PTGFR: variants seen among roughly 807,000 people sequenced by gnomAD.
PTGFR encodes the protein prostaglandin F2-alpha receptor.
In PTGFR, 15 loss-of-function variants were observed where a neutral mutation model predicts 26.2. The observed-to-expected ratio is 0.57, with a 90% CI of 0.38 to 0.88. PTGFR has a LOEUF of 0.88. Among genes scored for constraint, PTGFR ranks in the 40% least tolerant of loss-of-function variants. The pLI, the probability that PTGFR is intolerant of heterozygous loss-of-function variation, is 0.00. For missense variants in PTGFR, 369 were observed against 427.2 expected (o/e 0.86, Z 1.20); for synonymous variants, 165 against 151.1 (o/e 1.09, Z -0.68).
chr1:78,493,876 A>G (rs1649477991), intron 2 of PTGFR, among the ~76,000 whole-genome samples: 1 of 146,442 alleles, frequency 6.8e-6, no homozygotes, highest in Admixed American at 6.7e-5. Flanking sequence ...ACAACATTTG[A>G]ACAGATTGCA....
At chr1:78,517,382 G>C (rs1650113627) in intron 2 of PTGFR, among the ~76,000 whole-genome samples, 1 of 152,106 alleles carries the variant, frequency 6.6e-6, no homozygotes, top group East Asian at 1.9e-4. Context: ...GTTTGGAAAG[G>C]GGTAGATAAT....
In PTGFR at chr1:78,492,675, T is replaced by C; in HGVS notation, c.-69T>C. On this transcript the variant is annotated 5_prime_UTR_variant, in exon 2 of 3. Coordinates refer to ENST00000370757, the MANE Select transcript of PTGFR (RefSeq NM_000959.4). ...TTCCTCTCCCTTTATCCTACAGATG[T>C]CTGGACTGCAATCCTGCACAGTTTT... 1.4e-6 allele frequency: 2 copies of C among 1,417,260 alleles called. No individual in the cohort carries two copies. The highest frequency in any genetic ancestry group is 1.9e-6 in the Non-Finnish European group (2 of 1,036,628). The allele number at this position is 1,417,260 out of a possible 1,614,324, so 87.8% of individuals were successfully genotyped here. A position where few individuals can be genotyped will look rare whatever the true frequency, so the allele number is the denominator to read the frequency against.
Position 78,536,765 on chromosome 1 carries a change from C to T in PTGFR, c.*78C>T, listed in dbSNP as rs1430649291. On this transcript the variant is annotated 3_prime_UTR_variant, in exon 3 of 3. Coordinates refer to ENST00000370757, the MANE Select transcript of PTGFR (RefSeq NM_000959.4). ...GGCAATATTTCAGTTAGTTAAATACCTGTAGCCTAACTGGAAAATTCAGGC... is the reference window on the plus strand; with the variant it reads ...GGCAATATTTCAGTTAGTTAAATACTTGTAGCCTAACTGGAAAATTCAGGC... 7.0e-7 allele frequency: 1 copy of T among 1,423,040 alleles called. No homozygotes were observed. The highest frequency in any genetic ancestry group is 9.4e-7 in the Non-Finnish European group (1 of 1,067,586). The allele number at this position is 1,423,040 out of a possible 1,614,324, so 88.2% of individuals were successfully genotyped here. A position where few individuals can be genotyped will look rare whatever the true frequency, so the allele number is the denominator to read the frequency against.
chr1:78,496,054 T>C (rs1247194138), intron 2 of PTGFR, among the ~76,000 whole-genome samples: 3 of 152,198 alleles, frequency 2.0e-5, no homozygotes, highest in African/African-American at 7.2e-5. Context: ...GTTTTAAGCA[T>C]TCTTTGCATT....
intron 2 of PTGFR, among the ~76,000 whole-genome samples, chr1:78,522,688 G>A (rs1650275478): frequency 6.6e-6 from 1 of 152,042 alleles, no homozygotes; most frequent in Admixed American, 6.6e-5. Flanking sequence ...AGAGGGATGA[G>A]GAAAGGGCTT....
chr1:78,521,305 A>G (rs577809083), intron 2 of PTGFR, among the ~76,000 whole-genome samples: 36 of 152,280 alleles, frequency 2.4e-4, no homozygotes, highest in Middle Eastern at 3.4e-3. Context: ...AGAGAAATAT[A>G]ATAATCACTT....
intron 2 of PTGFR, among the ~76,000 whole-genome samples, chr1:78,508,310 T>C (rs543540958): frequency 1.3e-5 from 2 of 152,240 alleles, no homozygotes; most frequent in Non-Finnish European, 2.9e-5. Context: ...TCTGTTTTTA[T>C]TGCATTCTTT....
intron 2 of PTGFR, among the ~76,000 whole-genome samples, chr1:78,496,652 A>G (rs1473972627): frequency 6.6e-6 from 1 of 152,204 alleles, no homozygotes; most frequent in Non-Finnish European, 1.5e-5. Flanking sequence ...AAAACTTGTC[A>G]ATAGTGGCAT....
At position 78,537,698 on chromosome 1, in the gene PTGFR, T is replaced by C. The variant is rs1425622309; in HGVS notation, c.*1011T>C. Reference sequence around the variant, plus strand: ...TACACACAGACATCAGAAAATTCTGTTGAGAGCAGGTTCATTAAATTTGTA... The same window carrying C: ...TACACACAGACATCAGAAAATTCTGCTGAGAGCAGGTTCATTAAATTTGTA... On this transcript the variant is annotated 3_prime_UTR_variant, in exon 3 of 3. Coordinates refer to ENST00000370757, the MANE Select transcript of PTGFR (RefSeq NM_000959.4). 1 of 152,142 alleles carries C rather than the reference T, an allele frequency of 6.6e-6. No homozygotes were observed. Among genetic ancestry groups the C allele is most frequent in the Non-Finnish European group, 1.5e-5 (1 of 68,016 alleles). The allele number at this position is 152,142 out of a possible 1,614,324, so 9.4% of individuals were successfully genotyped here. A position where few individuals can be genotyped will look rare whatever the true frequency, so the allele number is the denominator to read the frequency against.
chr1:78,511,716 A>T (rs1376590684), intron 2 of PTGFR, among the ~76,000 whole-genome samples: 1 of 151,500 alleles, frequency 6.6e-6, no homozygotes, highest in East Asian at 1.9e-4. Flanking sequence ...GCCCACATAA[A>T]TTCCTCTCCT....
intron 2 of PTGFR, among the ~76,000 whole-genome samples, chr1:78,507,902 C>T (rs1310859608): frequency 2.0e-5 from 3 of 152,208 alleles, no homozygotes; most frequent in East Asian, 1.9e-4. Context: ...GTTGTTATAT[C>T]GAAATTATTT....
At chr1:78,531,384 C>G (rs1164009139) in intron 2 of PTGFR, among the ~76,000 whole-genome samples, 1 of 152,146 alleles carries the variant, frequency 6.6e-6, no homozygotes, top group Non-Finnish European at 1.5e-5. Flanking sequence ...GTAGGAGTCT[C>G]TACATCCCTA....
intron 2 of PTGFR, among the ~76,000 whole-genome samples, chr1:78,497,364 C>T (rs1649579188): frequency 6.6e-6 from 1 of 152,066 alleles, no homozygotes. Context: ...TTCTAAACAT[C>T]TTTGAAAGTG....
intron 2 of PTGFR, among the ~76,000 whole-genome samples, chr1:78,521,636 T>C (rs998580696): frequency 6.6e-6 from 1 of 152,100 alleles, no homozygotes; most frequent in Non-Finnish European, 1.5e-5. Context: ...AGTCTAATCA[T>C]TTTTTTAGGT....
intron 2 of PTGFR, among the ~76,000 whole-genome samples, chr1:78,506,773 C>A (rs1411305395): frequency 6.6e-6 from 1 of 152,030 alleles, no homozygotes; most frequent in Admixed American, 6.6e-5. Context: ...CTAATTCCAG[C>A]ATTTCTGTAT....
intron 2 of PTGFR, chr1:78,497,832 C>T (rs1482259986): frequency 3.7e-6 from 5 of 1,359,088 alleles, no homozygotes; most frequent in Non-Finnish European, 5.2e-6. Context: ...CTTCAGCTGT[C>T]TTTTACTGGA....
chr1:78,534,872 T>C (rs1191995881), intron 2 of PTGFR, among the ~76,000 whole-genome samples: 2 of 152,196 alleles, frequency 1.3e-5, no homozygotes, highest in African/African-American at 4.8e-5. Flanking sequence ...ATTATGAATG[T>C]ATTTGTTATT....
chr1:78,511,768 T>G (rs1649976602), intron 2 of PTGFR, among the ~76,000 whole-genome samples: 1 of 152,198 alleles, frequency 6.6e-6, no homozygotes. Context: ...AGCCTGTGAT[T>G]TTTTCAAATG....
chr1:78,513,892 T>C (rs1339569606), intron 2 of PTGFR, among the ~76,000 whole-genome samples: 2 of 151,986 alleles, frequency 1.3e-5, no homozygotes, highest in Non-Finnish European at 2.9e-5. Flanking sequence ...GCCAAGTGTG[T>C]AAGCCTATGG....
Sources: gnomAD v4.1 joint callset for allele counts (sites outside exome capture counted in the v4.1 genomes callset) on GRCh38, gnomAD v4.1.1 for gene constraint, MANE v1.5 for transcripts, NCBI Gene and HGNC (gene_info 2026-07-23, HGNC 2026-07-21) for gene names.